Variants in TXLNB observed in about 807,000 individuals in gnomAD.
TXLNB encodes beta-taxilin.
A neutral mutation model predicts 57.4 loss-of-function variants in TXLNB; 37 were observed. The observed-to-expected ratio is 0.64, with a 90% CI of 0.50 to 0.85. The LOEUF is 0.85. Among genes scored for constraint, TXLNB ranks in the 40% least tolerant of loss-of-function variants. TXLNB has a pLI of 0.00. For missense variants in TXLNB, 848 were observed against 825.6 expected (o/e 1.03, Z -0.33); for synonymous variants, 302 against 309.6 (o/e 0.98, Z 0.26).
At chr6:139,244,753 G>A (rs2082702288) in intron 8 of TXLNB, 63 bp from the exon 9 acceptor site, 2 of 1,138,028 alleles carry the variant, frequency 1.8e-6, no homozygotes, top group Admixed American at 1.7e-5. Flanking sequence ...GAAGCTATTA[G>A]CTCCATATGT....
intron 6 of TXLNB, among the ~76,000 whole-genome samples, chr6:139,259,187 C>G (rs996202668): frequency 6.6e-6 from 1 of 152,226 alleles, no homozygotes; most frequent in African/African-American, 2.4e-5. Context: ...TCTTCTTGCT[C>G]TCTTGTCCCT....
chr6:139,311,055 A>G, the TXLNB span, among the ~76,000 whole-genome samples: 1 of 152,212 alleles, frequency 6.6e-6, no homozygotes, highest in Non-Finnish European at 1.5e-5. Flanking sequence ...AAGATATAAT[A>G]ATTGATGAAA....
chr6:139,192,534 G>C, the TXLNB span, among the ~76,000 whole-genome samples: 2 of 152,170 alleles, frequency 1.3e-5, no homozygotes, highest in Non-Finnish European at 2.9e-5. Context: ...TATATACCAA[G>C]TGTCTAGAAC....
chr6:139,247,451 T>G (rs998293526), intron 8 of TXLNB, among the ~76,000 whole-genome samples: 5 of 142,732 alleles, frequency 3.5e-5, no homozygotes, highest in South Asian at 4.4e-4. Context: ...AAAGTTTTTG[T>G]TTTTTTTTTT....
the TXLNB span, chr6:139,177,145 A>C: frequency 1.3e-6 from 1 of 759,224 alleles, no homozygotes; most frequent in South Asian, 1.6e-5. The surrounding 1 kb of genome is among the most constrained non-coding windows in gnomAD (Gnocchi z 4.9). Context: ...TATTGATATT[A>C]TTACTTTATT....
chr6:139,236,674 C>T (rs1409796750), downstream of TXLNB, among the ~76,000 whole-genome samples: 1 of 152,104 alleles, frequency 6.6e-6, no homozygotes, highest in African/African-American at 2.4e-5. Flanking sequence ...TTCTTCATAG[C>T]AGTGTGAAAA....
At chr6:139,217,973 C>T in the TXLNB span, among the ~76,000 whole-genome samples, 3 of 152,026 alleles carry the variant, frequency 2.0e-5, no homozygotes, top group Admixed American at 6.6e-5. Context: ...CTGATTTGCC[C>T]ATTTCCAATA....
chr6:139,231,189 C>T, the TXLNB span, among the ~76,000 whole-genome samples: 25 of 152,312 alleles, frequency 1.6e-4, no homozygotes, highest in Admixed American at 1.4e-3. Flanking sequence ...TAGCAAGAAC[C>T]TACACTCTCT....
the TXLNB span, among the ~76,000 whole-genome samples, chr6:139,320,018 T>C: frequency 6.6e-6 from 1 of 152,202 alleles, no homozygotes; most frequent in Admixed American, 6.5e-5. Flanking sequence ...CTGAAATATC[T>C]CTTAATTTGT....
chr6:139,264,166 A>C (rs1477200454), intron 4 of TXLNB, among the ~76,000 whole-genome samples: 1 of 152,206 alleles, frequency 6.6e-6, no homozygotes, highest in African/African-American at 2.4e-5. Context: ...AAACTATCCG[A>C]GATGTTATTT....
chr6:139,174,703 T>A, the TXLNB span: 2 of 978,374 alleles, frequency 2.0e-6, no homozygotes, highest in Non-Finnish European at 2.9e-6. Flanking sequence ...ATTCAGTCAT[T>A]AAAAGGAATA....
chr6:139,181,989 AAC>A, the TXLNB span, among the ~76,000 whole-genome samples: 3,851 of 152,334 alleles, frequency 0.025, 68 homozygotes, highest in East Asian at 0.053. Context: ...CTAGGCCTGT[AAC>A]AATTTTCATC....
intron 4 of TXLNB, chr6:139,268,846 T>A (rs544539863): frequency 6.6e-6 from 1 of 152,154 alleles, no homozygotes; most frequent in Non-Finnish European, 1.5e-5. Flanking sequence ...TCTGTCTTTG[T>A]TTTTTTGGTG....
At chr6:139,178,347 C>T in the TXLNB span, 1 of 152,010 alleles carries the variant, frequency 6.6e-6, no homozygotes, top group African/African-American at 2.4e-5. Context: ...ACGTCGCATA[C>T]CCTTATAGAA....
At chr6:139,292,520 C>A (rs1455464787), upstream of TXLNB, among the ~76,000 whole-genome samples, 1 of 152,130 alleles carries the variant, frequency 6.6e-6, no homozygotes, top group Non-Finnish European at 1.5e-5. The surrounding 1 kb of genome is among the most constrained non-coding windows in gnomAD (Gnocchi z 4.0). Context: ...GTGGTGGAAC[C>A]ATTTTAATTC....
intron 6 of TXLNB, among the ~76,000 whole-genome samples, chr6:139,260,042 G>A (rs576365192): frequency 5.9e-5 from 9 of 152,236 alleles, no homozygotes; most frequent in African/African-American, 1.9e-4. Context: ...GGCCAACATG[G>A]TGAAACCCTG....
chr6:139,299,762 A>G, the TXLNB span, among the ~76,000 whole-genome samples: 1 of 152,014 alleles, frequency 6.6e-6, no homozygotes, highest in South Asian at 2.1e-4. Context: ...TTGATACTAG[A>G]CAGGACTTAG....
the TXLNB span, among the ~76,000 whole-genome samples, chr6:139,226,384 A>G: frequency 1.3e-5 from 2 of 151,724 alleles, no homozygotes; most frequent in African/African-American, 4.8e-5. Context: ...TTATGACTAA[A>G]GTAGCACAAA....
chr6:139,210,877 CTCAT>C, the TXLNB span, among the ~76,000 whole-genome samples: 1 of 152,264 alleles, frequency 6.6e-6, no homozygotes, highest in Admixed American at 6.5e-5. Context: ...CGGAGCCTCA[CTCAT>C]TACTAGCGCA....
Sources: allele counts gnomAD v4.1 joint callset (sites outside exome capture counted in the v4.1 genomes callset), GRCh38; gene constraint gnomAD v4.1.1; non-coding constraint Gnocchi (gnomAD v3.1); transcripts MANE v1.5; gene names NCBI Gene and HGNC (gene_info 2026-07-23, HGNC 2026-07-21).